Variants in LRP12 observed in about 807,000 individuals in gnomAD.
LRP12 encodes LDL receptor related protein 12.
Under a neutral mutation model 66.0 loss-of-function variants are expected in LRP12, and 14 were observed. The ratio of observed to expected loss-of-function variants is 0.21; its 90% CI spans 0.14 to 0.33. The LOEUF (loss-of-function observed/expected upper bound fraction) is 0.33, where lower values mean the gene tolerates loss of function less well. Ranked by LOEUF, LRP12 falls within the 10% of genes least tolerant of loss-of-function variation. The pLI is 1.00. For missense variants in LRP12, 889 were observed against 1,053.4 expected, an observed-to-expected ratio of 0.84 and a Z score of 2.16; for synonymous variants, 357 against 359.1, an observed-to-expected ratio of 0.99 and a Z score of 0.07.
At chr8:104,520,775 T>A (rs1201837898) in intron 2 of LRP12, among the ~76,000 whole-genome samples, 1 of 152,066 alleles carries the variant, frequency 6.6e-6, no homozygotes, top group Non-Finnish European at 1.5e-5. Context: ...TGCACAACAG[T>A]TTCACAGTAC....
chr8:104,525,632 T>A (rs751685662), intron 2 of LRP12, among the ~76,000 whole-genome samples: 5 of 147,210 alleles, frequency 3.4e-5, no homozygotes, highest in Non-Finnish European at 7.4e-5. Context: ...TACAAATTCA[T>A]ATTCTAACTT....
chr8:104,508,431 C>T (rs990536270), intron 3 of LRP12: 7 of 152,074 alleles, frequency 4.6e-5, no homozygotes, highest in Admixed American at 1.3e-4. Context: ...TCTTTTGTTT[C>T]GAAGTTATAA....
intron 1 of LRP12, among the ~76,000 whole-genome samples, chr8:104,588,500 T>C (rs577744009): frequency 6.6e-6 from 1 of 152,192 alleles, no homozygotes; most frequent in South Asian, 2.1e-4. Context: ...AGGCTACGGG[T>C]CCTGGAGCAA....
chr8:104,548,507 ATAT>A (rs568071448), intron 1 of LRP12, among the ~76,000 whole-genome samples: 30 of 123,148 alleles, frequency 2.4e-4, no homozygotes, highest in Admixed American at 3.5e-4. Context: ...ATATAATTCT[ATAT>A]TATATTTTGT....
rs746195368 is a variant in LRP12 at position 104,490,859 on chromosome 8, A to C, written c.2394T>G (p.Leu798=). Residue 798 remains leucine, a synonymous_variant, in exon 7 of 7, where the codon CTT becomes CTG. Coordinates refer to ENST00000276654, the MANE Select transcript of LRP12 (RefSeq NM_013437.5). The stretch of plus-strand genomic sequence containing the variant: ...TAAGCCCTTGTCCTTGATCTGAGGC[A>C]AGATCAAGAAGAGGTCTGGAGCAGT... ...VNDCSRPLLD[L]ASDQGQGLRQ... is the part of the protein sequence containing the mutation. 1 of 1,614,042 alleles carries C rather than the reference A, an allele frequency of 6.2e-7. No homozygotes were observed.
chr8:104,553,934 GA>G (rs1313197349), intron 1 of LRP12, among the ~76,000 whole-genome samples: 2 of 152,316 alleles, frequency 1.3e-5, no homozygotes, highest in African/African-American at 2.4e-5. Context: ...TGAGAGACCT[GA>G]AGATGGATCA....
At chr8:104,549,140 C>A (rs1189583567) in intron 1 of LRP12, among the ~76,000 whole-genome samples, 1 of 151,984 alleles carries the variant, frequency 6.6e-6, no homozygotes, top group South Asian at 2.1e-4. Context: ...TAATTCCTGT[C>A]CATTAAAAAA....
chr8:104,580,109 CA>C (rs1278279374), intron 1 of LRP12, among the ~76,000 whole-genome samples: 133 of 152,180 alleles, frequency 8.7e-4, no homozygotes, highest in African/African-American at 3.1e-3. Flanking sequence ...AGCTTCTGTC[CA>C]GCAAAGGAAA....
intron 1 of LRP12, among the ~76,000 whole-genome samples, chr8:104,534,510 T>C (rs189321440): frequency 1.1e-3 from 168 of 152,172 alleles, no homozygotes; most frequent in Non-Finnish European, 1.8e-3. Flanking sequence ...ATTCCCATCA[T>C]TCTGGATAAA....
intron 3 of LRP12, chr8:104,504,619 A>AT (rs1810877696): frequency 6.6e-6 from 1 of 152,150 alleles, no homozygotes; most frequent in South Asian, 2.1e-4. Flanking sequence ...TTTTAATTGC[A>AT]TTGTGGTAAG....
chr8:104,588,700 C>G (rs1279051832), intron 1 of LRP12, 119 bp downstream of exon 1: 19 of 759,554 alleles, frequency 2.5e-5, no homozygotes, highest in Non-Finnish European at 4.0e-5. Flanking sequence ...CGGTCTTTGT[C>G]CCGCCGGTAG....
At chr8:104,570,422 A>G (rs1379311240) in intron 1 of LRP12, among the ~76,000 whole-genome samples, 1 of 152,218 alleles carries the variant, frequency 6.6e-6, no homozygotes, top group African/African-American at 2.4e-5. Context: ...TAATGACAAA[A>G]TGATAGACAC....
At chr8:104,557,002 A>C (rs1421477015) in intron 1 of LRP12, among the ~76,000 whole-genome samples, 1 of 152,210 alleles carries the variant, frequency 6.6e-6, no homozygotes, top group African/African-American at 2.4e-5. Context: ...ACAAAAATTA[A>C]AAACAAAAAT....
rs1258354677 is a variant in LRP12 at position 104,526,442 on chromosome 8, C to T, written c.136+5465G>A. Among the ~76,000 whole-genome samples the T allele has an allele frequency of 6.4e-3, 971 of 151,074 alleles. 4 individuals are homozygous for T. The highest frequency in any genetic ancestry group is 0.011 in the Non-Finnish European group (722 of 67,330). On this transcript the variant is annotated intron_variant, in intron 2 of 6. Transcript: ENST00000276654. ...CCTGACTTCAAACTATACTACAAGG[C>T]TACAGTAACCAAAATAGCATGGTAC... is the stretch of plus-strand genomic sequence containing the variant.
At chr8:104,545,289 T>C (rs921534172) in intron 1 of LRP12, among the ~76,000 whole-genome samples, 1 of 152,212 alleles carries the variant, frequency 6.6e-6, no homozygotes, top group African/African-American at 2.4e-5. Flanking sequence ...AATCTATTCC[T>C]AGGGAAGATG....
At chr8:104,581,168 C>A (rs917487147) in intron 1 of LRP12, among the ~76,000 whole-genome samples, 2 of 152,228 alleles carry the variant, frequency 1.3e-5, no homozygotes, top group Middle Eastern at 3.4e-3. Context: ...TTATCCTTAG[C>A]AAACAAATGC....
At chr8:104,568,190 C>T (rs953850072) in intron 1 of LRP12, among the ~76,000 whole-genome samples, 1 of 151,986 alleles carries the variant, frequency 6.6e-6, no homozygotes, top group Non-Finnish European at 1.5e-5. Flanking sequence ...GTTTTTTCAA[C>T]AAATAATGCT....
At chr8:104,513,620 C>T (rs577885277) in intron 2 of LRP12, among the ~76,000 whole-genome samples, 7 of 152,270 alleles carry the variant, frequency 4.6e-5, no homozygotes, top group Admixed American at 1.3e-4. Context: ...TTCTGGAGCA[C>T]CTGACACTGA....
chr8:104,584,008 A>C (rs114042997), intron 1 of LRP12, among the ~76,000 whole-genome samples: 4,659 of 152,114 alleles, frequency 0.031, 235 homozygotes, highest in African/African-American at 0.11. Context: ...TATACTTAAA[A>C]AGAAGAGACT....
Sources: allele counts gnomAD v4.1 joint callset (sites outside exome capture counted in the v4.1 genomes callset), GRCh38; gene constraint gnomAD v4.1.1; transcripts MANE v1.5; gene names NCBI Gene and HGNC (gene_info 2026-07-23, HGNC 2026-07-21).